The following NFRKB variants were observed in gnomAD, a reference collection of about 807,000 sequenced individuals.
The protein encoded by NFRKB is nuclear factor related to kappa-B-binding protein.
NFRKB carries 62 observed loss-of-function variants against 135.7 expected under a neutral mutation model. The observed-to-expected ratio is 0.46, with a 90% CI of 0.37 to 0.56. The LOEUF is 0.56. Among genes scored for constraint, NFRKB ranks in the 20% least tolerant of loss-of-function variants. NFRKB has a pLI of 0.00. For synonymous variants in NFRKB, 678 were observed against 635.6 expected, an observed-to-expected ratio of 1.07 and a Z score of -1.00; for missense variants, 1,545 against 1,662.0, an observed-to-expected ratio of 0.93 and a Z score of 1.22.
chr11:129,865,832 A>G (rs1440343588), intron 25 of NFRKB, 45 bp downstream of exon 25: 10 of 1,583,896 alleles, frequency 6.3e-6, no homozygotes, highest in Non-Finnish European at 8.7e-6. Flanking sequence ...CCTGCCTGCC[A>G]CCTCCACCCC....
At chr11:129,884,388 AAAC>A (rs1159023527) in intron 7 of NFRKB, among the ~76,000 whole-genome samples, 1 of 152,192 alleles carries the variant, frequency 6.6e-6, no homozygotes, top group African/African-American at 2.4e-5. Context: ...TTCCTGTTCC[AAAC>A]AAAAACTCTT....
rs888167831 is a variant in NFRKB at position 129,874,585 on chromosome 11, G to C, written c.1979-5C>G. 1.2e-6 allele frequency: 2 copies of C among 1,613,788 alleles called. No homozygotes were observed. Among genetic ancestry groups the C allele is most frequent in the African/African-American group, 1.3e-5 (1 of 74,996 alleles). ...CTTGTGCTTGGTGAATCCGCTCTGTGAACAAGAGGGGCAAGCTTCAGCCAG... is the reference window on the plus strand; with the variant it reads ...CTTGTGCTTGGTGAATCCGCTCTGTCAACAAGAGGGGCAAGCTTCAGCCAG... On this transcript the variant is annotated splice_polypyrimidine_tract_variant and splice_region_variant and intron_variant, in intron 19 of 26. Transcript: ENST00000682444. The surrounding 1 kb of genome is among the most constrained non-coding windows in gnomAD (Gnocchi z 4.5).
In NFRKB at chr11:129,874,872, T is replaced by C. The variant is rs749221308; in HGVS notation, c.1899A>G (p.Glu633=). 25 of 1,614,090 alleles carry C rather than the reference T, an allele frequency of 1.5e-5. No homozygotes were observed. The highest frequency in any genetic ancestry group is 3.3e-5 in the Admixed American group (2 of 60,006). The change falls in exon 19 of 27, where the codon GAA becomes GAG. Residue 633 remains glutamate, a synonymous_variant. Transcript: ENST00000682444. This position sits in a 1 kb window ranked among gnomAD's most constrained non-coding sequence, Gnocchi z 4.5. ...TGTCGTATTTCACACAGGGATCTTTTTCGTAATGTAGCCGATCCAGTGCAC... is the reference window on the plus strand; with the variant it reads ...TGTCGTATTTCACACAGGGATCTTTCTCGTAATGTAGCCGATCCAGTGCAC... ...VSGALDRLHY[E]KDPCVKYDIG... is the part of the protein sequence containing the mutation.
rs778394386 is a variant in NFRKB, at chr11:129,875,471, CAT to C, written c.1748-10_1748-9del. The C allele has an allele frequency of 6.3e-7, 1 of 1,585,696 alleles. No individual in the cohort carries two copies. Among genetic ancestry groups the C allele is most frequent in the South Asian group, 1.2e-5 (1 of 86,674 alleles). ...GAGCCGCAGCGTCCCGAACTGATGACATGAGAAAGCACACAGTCCACAAGTCA... is the reference window on the plus strand; with the variant it reads ...GAGCCGCAGCGTCCCGAACTGATGACGAGAAAGCACACAGTCCACAAGTCA... On this transcript the variant is annotated splice_polypyrimidine_tract_variant and intron_variant, in intron 17 of 26. Transcript: ENST00000682444.
At chr11:129,886,902 T>C (rs1949305438) in intron 4 of NFRKB, among the ~76,000 whole-genome samples, 1 of 152,206 alleles carries the variant, frequency 6.6e-6, no homozygotes, top group African/African-American at 2.4e-5. Flanking sequence ...CACCCTCAGC[T>C]GTAGTGAAAC....
chr11:129,891,982 T>C (rs1268958931), intron 3 of NFRKB, among the ~76,000 whole-genome samples: 5 of 152,194 alleles, frequency 3.3e-5, no homozygotes, highest in Admixed American at 6.5e-5. Flanking sequence ...AATCTTCTGG[T>C]TTTAGTAGAA....
chr11:129,885,382 T>C, intron 6 of NFRKB, 53 bp downstream of exon 6: 1 of 1,542,984 alleles, frequency 6.5e-7, no homozygotes, highest in East Asian at 2.3e-5. Flanking sequence ...ACCGGACAAG[T>C]GGCCGGTATC....
At chr11:129,893,274 TGGGTGCA>T (rs1445884360) in intron 2 of NFRKB, 2 of 482,712 alleles carry the variant, frequency 4.1e-6, no homozygotes, top group South Asian at 3.2e-5. Context: ...TGTTGTTGGC[TGGGTGCA>T]GTAACTCACA....
Position 129,864,082 on chromosome 11 carries a change from A to G in NFRKB, c.*643T>C, listed in dbSNP as rs1236785786. 1.3e-5 allele frequency: 2 copies of G among 151,980 alleles called. No homozygotes were observed. Among genetic ancestry groups the G allele is most frequent in the Non-Finnish European group, 2.9e-5 (2 of 68,018 alleles). The allele number at this position is 151,980 out of a possible 1,614,324, so 9.4% of individuals were successfully genotyped here. A position where few individuals can be genotyped will look rare whatever the true frequency, so the allele number is the denominator to read the frequency against. ...AAGCGAATCCCATTTCAGGGGACCC[A>G]CTCTACCTCGCTGCCTACGATGAAT... On this transcript the variant is annotated 3_prime_UTR_variant, in exon 27 of 27. Coordinates refer to ENST00000682444, the MANE Select transcript of NFRKB (RefSeq NM_001143835.2).
chr11:129,883,989 A>G, intron 8 of NFRKB, 81 bp downstream of exon 8: 1 of 1,386,956 alleles, frequency 7.2e-7, no homozygotes, highest in South Asian at 1.2e-5. Flanking sequence ...CGAGGCAGTG[A>G]TGCCCCGTGT....
At chr11:129,881,977 T>G in intron 11 of NFRKB, 109 bp downstream of exon 11, 2 of 1,457,010 alleles carry the variant, frequency 1.4e-6, no homozygotes, top group Non-Finnish European at 1.8e-6. Flanking sequence ...GCAAGTTAAC[T>G]ACAGAGCGTT....
rs754722537 is a variant in NFRKB at position 129,876,728 on chromosome 11, C to G, written c.1740G>C (p.Leu580=). ...RSDRPAYVTI[L]SLVRDAAARL... ...TCGACACGTGCCACCTACCAAGAGA[C>G]AGAATGGTGACGTAGGCAGGCCGGT... The change falls in exon 17 of 27, where the codon CTG becomes CTC. Residue 580 remains leucine, a synonymous_variant. Transcript: ENST00000682444. The G allele has an allele frequency of 2.5e-6, 4 of 1,612,630 alleles. No individual in the cohort carries two copies. The highest frequency in any genetic ancestry group is 3.4e-6 in the Non-Finnish European group (4 of 1,179,278).
intron 24 of NFRKB, 101 bp downstream of exon 24, chr11:129,869,393 G>T: frequency 3.7e-6 from 5 of 1,364,804 alleles, no homozygotes; most frequent in Non-Finnish European, 4.9e-6. Flanking sequence ...CTCCTAAAAA[G>T]AAGTTTCCTA....
At chr11:129,883,053 C>G in intron 9 of NFRKB, 69 bp downstream of exon 9, 4 of 1,419,598 alleles carry the variant, frequency 2.8e-6, no homozygotes, top group Non-Finnish European at 3.9e-6. Context: ...TTATTTTTGC[C>G]ATGTTATGGG....
chr11:129,877,169 C>T (rs186455153), intron 16 of NFRKB, among the ~76,000 whole-genome samples, 156 bp downstream of exon 16: 126 of 152,252 alleles, frequency 8.3e-4, no homozygotes, highest in Admixed American at 1.4e-3. Context: ...TTCCCCACAC[C>T]GTTTCCACCC....
At chr11:129,882,243 C>A in intron 10 of NFRKB, 49 bp from the exon 11 acceptor site, 1 of 1,512,672 alleles carries the variant, frequency 6.6e-7, no homozygotes, top group South Asian at 1.2e-5. Flanking sequence ...AGAACACATC[C>A]CTAGATTGAT....
rs1949104800 is a variant in NFRKB, at chr11:129,883,053, C to A, written c.901+69G>T. The A allele has an allele frequency of 2.1e-6, 3 of 1,419,480 alleles. No individual in the cohort carries two copies. In the African/African-American group the frequency reaches 4.3e-5, roughly 20 times the overall value. 87.9% of individuals were successfully genotyped at this position (1,419,480 alleles called of 1,614,324 possible). A position where few individuals can be genotyped will look rare whatever the true frequency, so the allele number is the denominator to read the frequency against. On this transcript the variant is annotated intron_variant, in intron 9 of 26. Transcript: ENST00000682444. ...AGGCCATGGTTTCATTTATTTTTGC[C>A]ATGTTATGGGCTCACGCAACTTAAC...
At chr11:129,868,465 G>A (rs74932269) in intron 24 of NFRKB, among the ~76,000 whole-genome samples, 1,530 of 152,352 alleles carry the variant, frequency 0.01, 23 homozygotes, top group African/African-American at 0.035. Flanking sequence ...GGGGAAACAG[G>A]AGGCGTGCTG....
At position 129,869,721 on chromosome 11, in the gene NFRKB, C is replaced by A. The variant is rs1247232526; in HGVS notation, c.3304G>T (p.Gly1102Cys). 2 of 1,614,134 alleles carry A rather than the reference C, an allele frequency of 1.2e-6. No individual in the cohort carries two copies. Among genetic ancestry groups the A allele is most frequent in the Non-Finnish European group, 1.7e-6 (2 of 1,180,060 alleles). The stretch of plus-strand genomic sequence containing the variant: ...TGGGTTGCAACGGTGATGGTCTGGC[C>A]TGCTTTGGGAGGCATCACTCCCAGT... Reference protein sequence around the residue: ...QGLGVMPPKAGQTITVATHAK... With the variant: ...QGLGVMPPKACQTITVATHAK... The change falls in exon 24 of 27, where the codon GGC becomes TGC. Residue 1102 changes from glycine to cysteine, a missense_variant. Gly to Cys is a radical substitution (Grantham distance 159). Coordinates refer to ENST00000682444, the MANE Select transcript of NFRKB (RefSeq NM_001143835.2).
Sources: allele counts gnomAD v4.1 joint callset (sites outside exome capture counted in the v4.1 genomes callset), GRCh38; gene constraint gnomAD v4.1.1; non-coding constraint Gnocchi (gnomAD v3.1); transcripts MANE v1.5; gene names NCBI Gene and HGNC (gene_info 2026-07-23, HGNC 2026-07-21).